Variants in MSRA observed in about 807,000 individuals in gnomAD.
MSRA encodes mitochondrial peptide methionine sulfoxide reductase.
Under a neutral mutation model 31.3 loss-of-function variants are expected in MSRA, and 54 were observed. The ratio of observed to expected loss-of-function variants is 1.73; its 90% CI spans 1.39 to 2.17. MSRA has a LOEUF of 2.17. MSRA is among the 30% of genes most tolerant of loss of function. MSRA has a pLI of 0.00. For synonymous variants in MSRA, 169 were observed against 116.5 expected (o/e 1.45, Z -2.90); for missense variants, 507 against 300.9 (o/e 1.69, Z -5.07).
intron 1 of MSRA, among the ~76,000 whole-genome samples, chr8:10,174,188 G>C (rs1414207263): frequency 2.0e-5 from 3 of 152,172 alleles, no homozygotes; most frequent in Non-Finnish European, 4.4e-5. Flanking sequence ...TTGAGTATTT[G>C]TTCCTGGATA....
intron 1 of MSRA, among the ~76,000 whole-genome samples, chr8:10,200,318 C>A (rs1213974966): frequency 6.6e-6 from 1 of 152,198 alleles, no homozygotes; most frequent in Non-Finnish European, 1.5e-5. Context: ...CTCTGTTTTT[C>A]CATCACATAC....
intron 5 of MSRA, among the ~76,000 whole-genome samples, chr8:10,327,481 G>C (rs1008620086): frequency 1.3e-5 from 2 of 152,170 alleles, no homozygotes; most frequent in Admixed American, 1.3e-4. Context: ...CAAAAATAAA[G>C]GTTCAGTTTT....
intron 5 of MSRA, among the ~76,000 whole-genome samples, chr8:10,327,240 G>C (rs539888511): frequency 1.3e-5 from 2 of 152,128 alleles, no homozygotes; most frequent in African/African-American, 2.4e-5. Flanking sequence ...CCGTCTCTCA[G>C]TGTTTGTCCA....
chr8:10,365,791 G>A (rs375802597), intron 5 of MSRA, among the ~76,000 whole-genome samples: 1 of 152,228 alleles, frequency 6.6e-6, no homozygotes, highest in African/African-American at 2.4e-5. Flanking sequence ...AGGTGAGAAA[G>A]TGAAGGCACT....
At chr8:10,256,486 G>A (rs1370795114) in intron 3 of MSRA, among the ~76,000 whole-genome samples, 1 of 152,192 alleles carries the variant, frequency 6.6e-6, no homozygotes, top group Non-Finnish European at 1.5e-5. Context: ...TCTGGAGTGG[G>A]GGAGGCCTGG....
At chr8:10,263,446 C>G (rs532269568) in intron 3 of MSRA, among the ~76,000 whole-genome samples, 3 of 152,236 alleles carry the variant, frequency 2.0e-5, no homozygotes, top group Non-Finnish European at 4.4e-5. Context: ...TATGTGTGCA[C>G]GTTCAGACAA....
intron 1 of MSRA, among the ~76,000 whole-genome samples, chr8:10,190,991 G>T (rs1311199203): frequency 1.3e-5 from 2 of 152,188 alleles, no homozygotes; most frequent in African/African-American, 4.8e-5. Context: ...GTTTTCTGGT[G>T]TCTCATGACC....
chr8:10,189,285 G>T (rs1252621509), intron 1 of MSRA, among the ~76,000 whole-genome samples: 1 of 152,078 alleles, frequency 6.6e-6, no homozygotes, highest in African/African-American at 2.4e-5. Flanking sequence ...ACACAATCAT[G>T]TTGTCTGCGT....
intron 2 of MSRA, among the ~76,000 whole-genome samples, chr8:10,224,900 C>A (rs1458447388): frequency 6.6e-6 from 1 of 152,108 alleles, no homozygotes. Flanking sequence ...ACCTGTAATG[C>A]CAGTACTTTG....
chr8:10,156,777 G>T (rs10107929), intron 1 of MSRA, among the ~76,000 whole-genome samples: 35,992 of 147,328 alleles, frequency 0.24, 5,295 homozygotes, highest in East Asian at 0.5. Context: ...TGTACTTATT[G>T]CCTTCTGGTT....
rs1008550699 is a variant in MSRA at position 10,124,747 on chromosome 8, AT to A, written c.142+70098del. On this transcript the variant is annotated intron_variant, in intron 1 of 5. Coordinates refer to ENST00000317173, the MANE Select transcript of MSRA (RefSeq NM_012331.5). Reference sequence around the variant, plus strand: ...TCTATTATTCGAGGATGCAGAGATGATTTTTTTTTGGTTGAGTTAAACATTT... The same window carrying A: ...TCTATTATTCGAGGATGCAGAGATGATTTTTTTTGGTTGAGTTAAACATTT... Among the ~76,000 whole-genome samples, 245 of 151,508 alleles carry A rather than the reference AT, an allele frequency of 1.6e-3. 1 individual carries two copies. Among genetic ancestry groups the A allele is most frequent in the African/African-American group, 5.3e-3 (221 of 41,324 alleles).
chr8:10,329,567 C>G (rs1311379497), intron 5 of MSRA, among the ~76,000 whole-genome samples: 1 of 152,226 alleles, frequency 6.6e-6, no homozygotes, highest in Non-Finnish European at 1.5e-5. Flanking sequence ...ATAACATTCA[C>G]AGGTTTTAGG....
At chr8:10,401,941 T>A (rs995011877) in intron 5 of MSRA, among the ~76,000 whole-genome samples, 7 of 152,198 alleles carry the variant, frequency 4.6e-5, no homozygotes, top group Non-Finnish European at 8.8e-5. Flanking sequence ...AGAATTTCTG[T>A]CGGATGATGA....
At chr8:10,066,196 A>C (rs916560826) in intron 1 of MSRA, among the ~76,000 whole-genome samples, 14 of 151,980 alleles carry the variant, frequency 9.2e-5, no homozygotes, top group Non-Finnish European at 1.9e-4. Context: ...CATGTTGGCC[A>C]GGCTGGTCTT....
chr8:10,073,127 T>C (rs1797824483), intron 1 of MSRA, among the ~76,000 whole-genome samples: 3 of 152,088 alleles, frequency 2.0e-5, no homozygotes, highest in Admixed American at 2.0e-4. Context: ...AAAGTAGTGA[T>C]CTGTGGATAT....
At chr8:10,338,857 G>T (rs1406050706) in intron 5 of MSRA, among the ~76,000 whole-genome samples, 1 of 152,124 alleles carries the variant, frequency 6.6e-6, no homozygotes, top group African/African-American at 2.4e-5. Context: ...CACTCTCTTT[G>T]GGGGTGTTTT....
intron 3 of MSRA, among the ~76,000 whole-genome samples, chr8:10,245,494 T>C (rs775639862): frequency 3.3e-5 from 5 of 152,380 alleles, no homozygotes; most frequent in Middle Eastern, 3.4e-3. Context: ...CTTGTAATTC[T>C]GATGATCAGC....
At chr8:10,377,580 C>T (rs1186147345) in intron 5 of MSRA, among the ~76,000 whole-genome samples, 5 of 152,282 alleles carry the variant, frequency 3.3e-5, no homozygotes, top group Non-Finnish European at 7.4e-5. Flanking sequence ...TCTGCAATTT[C>T]CACTTTTGGT....
chr8:10,183,624 G>C (rs1010771492), intron 1 of MSRA, among the ~76,000 whole-genome samples: 2 of 152,156 alleles, frequency 1.3e-5, no homozygotes, highest in Non-Finnish European at 2.9e-5. Context: ...GAGACAGGCT[G>C]ATCTCTGGCT....
Sources: gnomAD v4.1 joint callset for allele counts (sites outside exome capture counted in the v4.1 genomes callset) on GRCh38, gnomAD v4.1.1 for gene constraint, MANE v1.5 for transcripts, NCBI Gene and HGNC (gene_info 2026-07-23, HGNC 2026-07-21) for gene names.